AKAP13: variants seen among roughly 807,000 people sequenced by gnomAD.
AKAP13 encodes the protein A-kinase anchor protein 13.
AKAP13 carries 80 observed loss-of-function variants against 264.5 expected under a neutral mutation model. That is an observed-to-expected ratio of 0.30 (90% CI 0.25 to 0.36). AKAP13 has a LOEUF of 0.36. AKAP13 is among the 10% of genes least tolerant of loss of function. AKAP13 has a pLI of 1.00. For missense variants in AKAP13, 3,712 were observed against 3,435.2 expected, an observed-to-expected ratio of 1.08 and a Z score of -2.01; for synonymous variants, 1,380 against 1,250.2, an observed-to-expected ratio of 1.10 and a Z score of -2.19.
chr15:85,714,987 CA>C (rs1191561696), intron 19 of AKAP13, among the ~76,000 whole-genome samples: 1 of 152,078 alleles, frequency 6.6e-6, no homozygotes, highest in Non-Finnish European at 1.5e-5. Context: ...GAAATTCTTT[CA>C]ATCTTATTTG....
chr15:85,638,178 C>G (rs935834606), intron 8 of AKAP13, among the ~76,000 whole-genome samples: 4 of 152,094 alleles, frequency 2.6e-5, no homozygotes, highest in Non-Finnish European at 4.4e-5. Context: ...CACGCCCAGC[C>G]TATTTAGAAG....
chr15:85,458,726 G>A lies in AKAP13; in HGVS notation c.-11-26984G>A, dbSNP rs151010688. Among the ~76,000 whole-genome samples the A allele has an allele frequency of 5.7e-4, 87 of 152,154 alleles. 1 individual carries two copies. Among genetic ancestry groups the A allele is most frequent in the African/African-American group, 1.9e-3 (80 of 41,522 alleles). On this transcript the variant is annotated intron_variant, in intron 1 of 36. Coordinates refer to ENST00000394518, the MANE Select transcript of AKAP13 (RefSeq NM_007200.5). ...TTCCCTCCTGAAAACTTTATTTTAA[G>A]CATCTTGGATAAATGTTTCTTAAAA...
At position 85,406,066 on chromosome 15, in the gene AKAP13, G is replaced by A. The variant is rs547165670; in HGVS notation, c.-12+25268G>A. Reference sequence around the variant, plus strand: ...AGGGTCTCACTATGTTGCCCAGGCTGGTTTCAAACTCCTGGCCTCAAGCGA... The same window carrying A: ...AGGGTCTCACTATGTTGCCCAGGCTAGTTTCAAACTCCTGGCCTCAAGCGA... On this transcript the variant is annotated intron_variant, in intron 1 of 36. Coordinates refer to ENST00000394518, the MANE Select transcript of AKAP13 (RefSeq NM_007200.5). Among the ~76,000 whole-genome samples, 3 of 152,280 alleles carry A rather than the reference G, an allele frequency of 2.0e-5. No homozygotes were observed. The East Asian group carries it at 5.8e-4, about 29-fold the overall frequency.
At chr15:85,512,718 C>T (rs944964040) in intron 2 of AKAP13, among the ~76,000 whole-genome samples, 2 of 152,156 alleles carry the variant, frequency 1.3e-5, no homozygotes, top group Non-Finnish European at 2.9e-5. Context: ...CTCAGTCAGC[C>T]CCTCACCTGC....
intron 8 of AKAP13, among the ~76,000 whole-genome samples, chr15:85,591,988 A>G (rs1219393684): frequency 6.7e-6 from 1 of 149,492 alleles, no homozygotes; most frequent in African/African-American, 2.5e-5. Flanking sequence ...GGGAAAATCT[A>G]CTCTTTATTT....
intron 25 of AKAP13, among the ~76,000 whole-genome samples, 160 bp from the exon 26 acceptor site, chr15:85,722,912 C>T (rs1258605106): frequency 2.0e-5 from 3 of 152,066 alleles, no homozygotes; most frequent in Admixed American, 2.0e-4. Context: ...AAACTTATGA[C>T]AGCAAGAAGG....
At position 85,743,659 on chromosome 15, in the gene AKAP13, GCCTT is replaced by G; in HGVS notation, c.8227_8230del (p.Pro2743PhefsTer4). On this transcript the variant is annotated frameshift_variant, in exon 36 of 37. Transcript: ENST00000394518. LOFTEE classifies it high-confidence loss of function. ...TCTCTCGGACACACAAAGATAAGGG[GCCTT>G]TTCACATACTGAGTTCAACCAGCCA... 6.2e-7 allele frequency: 1 copy of G among 1,614,140 alleles called. No homozygotes were observed. The highest frequency in any genetic ancestry group is 8.5e-7 in the Non-Finnish European group (1 of 1,180,030).
intron 1 of AKAP13, among the ~76,000 whole-genome samples, chr15:85,390,339 T>C (rs1205774919): frequency 6.6e-6 from 1 of 151,942 alleles, no homozygotes; most frequent in African/African-American, 2.4e-5. Context: ...GAGGTGAGAT[T>C]TGAACAGACC....
rs1176943608 is a variant in AKAP13, at chr15:85,727,639, T to C, written c.7087+176T>C. On this transcript the variant is annotated intron_variant, in intron 29 of 36. Transcript: ENST00000394518. This position sits in a 1 kb window ranked among gnomAD's most constrained non-coding sequence, Gnocchi z 5.3. ...AAGAGAAACCAAGGCCAGGCTGACA[T>C]GGGTCCTCGTAAAGAATGGCTGCAA... 6.6e-6 allele frequency among the ~76,000 whole-genome samples: 1 copy of C among 152,174 alleles called. No individual in the cohort carries two copies. Among genetic ancestry groups the C allele is most frequent in the Non-Finnish European group, 1.5e-5 (1 of 68,022 alleles).
chr15:85,722,460 G>A (rs2087346978), intron 25 of AKAP13, 113 bp downstream of exon 25: 1 of 868,890 alleles, frequency 1.2e-6, no homozygotes, highest in Non-Finnish European at 1.7e-6. Flanking sequence ...GTCTAAAAGA[G>A]ACCTTGTGTT....
chr15:85,463,171 A>G (rs899252274), intron 1 of AKAP13, among the ~76,000 whole-genome samples: 2 of 152,172 alleles, frequency 1.3e-5, no homozygotes, highest in African/African-American at 4.8e-5. Context: ...AAACAAAATG[A>G]ACAGAACCTG....
At chr15:85,671,143 C>T (rs2083903704) in intron 14 of AKAP13, among the ~76,000 whole-genome samples, 1 of 151,838 alleles carries the variant, frequency 6.6e-6, no homozygotes, top group African/African-American at 2.4e-5. Flanking sequence ...GGGGTTTCCT[C>T]ATTGTTCCCT....
Position 85,645,805 on chromosome 15 carries a change from T to A in AKAP13, c.4238-13T>A. On this transcript the variant is annotated splice_polypyrimidine_tract_variant and intron_variant, in intron 9 of 36. Coordinates refer to ENST00000394518, the MANE Select transcript of AKAP13 (RefSeq NM_007200.5). The stretch of plus-strand genomic sequence containing the variant: ...TTTTTTTTCAATATTGGTGAATAAA[T>A]TCTCTTTTTCAGAATGTGAGAACTT... The A allele has an allele frequency of 6.6e-7, 1 of 1,508,994 alleles. No individual in the cohort carries two copies. Among genetic ancestry groups the A allele is most frequent in the Non-Finnish European group, 9.0e-7 (1 of 1,111,872 alleles). The allele number at this position is 1,508,994 out of a possible 1,614,324, so 93.5% of individuals were successfully genotyped here.
At chr15:85,530,151 T>G (rs2077201175) in intron 3 of AKAP13, among the ~76,000 whole-genome samples, 1 of 152,206 alleles carries the variant, frequency 6.6e-6, no homozygotes, top group Non-Finnish European at 1.5e-5. Context: ...ATACTGTTGT[T>G]GCCAAGCACA....
intron 1 of AKAP13, among the ~76,000 whole-genome samples, chr15:85,435,794 C>T (rs1384511647): frequency 2.7e-5 from 4 of 147,458 alleles, no homozygotes; most frequent in Non-Finnish European, 4.5e-5. Context: ...CCAGGCCTGC[C>T]CTAAAAGAGC....
chr15:85,556,593 C>G (rs2078157749), intron 5 of AKAP13, among the ~76,000 whole-genome samples: 2 of 152,224 alleles, frequency 1.3e-5, no homozygotes, highest in African/African-American at 4.8e-5. Flanking sequence ...CCAGGACTCA[C>G]AAAGCTCTGT....
At chr15:85,736,415 CTGTTTTTT>C (rs1377277221) in intron 33 of AKAP13, among the ~76,000 whole-genome samples, 1 of 131,890 alleles carries the variant, frequency 7.6e-6, no homozygotes, top group East Asian at 2.6e-4. Flanking sequence ...AAGCCTCTTG[CTGTTTTTT>C]TGTTTGTTTG....
At chr15:85,743,071 A>G (rs1164643742) in intron 35 of AKAP13, among the ~76,000 whole-genome samples, 1 of 151,998 alleles carries the variant, frequency 6.6e-6, no homozygotes, top group African/African-American at 2.4e-5. Context: ...CGGCTTTTCC[A>G]CTTATCCTCT....
chr15:85,714,674 C>A (rs2086819319), intron 19 of AKAP13, among the ~76,000 whole-genome samples: 2 of 152,218 alleles, frequency 1.3e-5, no homozygotes, highest in South Asian at 2.1e-4. Context: ...CCTTAAAATT[C>A]TTTCAATCTT....
Sources: gnomAD v4.1 joint callset for allele counts (sites outside exome capture counted in the v4.1 genomes callset) on GRCh38, gnomAD v4.1.1 for gene constraint, Gnocchi (gnomAD v3.1) non-coding constraint, MANE v1.5 for transcripts, NCBI Gene and HGNC (gene_info 2026-07-23, HGNC 2026-07-21) for gene names.